The following ZNF763 variants were observed in gnomAD, a reference collection of about 807,000 sequenced individuals.
ZNF763 encodes the protein DNA-binding protein.
A neutral mutation model predicts 38.0 loss-of-function variants in ZNF763; 33 were observed. The observed-to-expected ratio is 0.87, with a 90% confidence interval of 0.66 to 1.16. ZNF763 has a LOEUF of 1.16. ZNF763 is among the 50% of genes most tolerant of loss of function. The pLI is 0.00. For missense variants in ZNF763, 423 were observed against 469.1 expected (o/e 0.90, Z 0.91); for synonymous variants, 155 against 160.1 (o/e 0.97, Z 0.24).
chr19:11,972,054 C>T (rs1599312953), intron 1 of ZNF763, among the ~76,000 whole-genome samples: 1 of 149,350 alleles, frequency 6.7e-6, no homozygotes, highest in African/African-American at 2.5e-5. Context: ...AAGAGCAAAA[C>T]TTTGTCTCAA....
At chr19:11,975,625 G>T (rs990152998) in intron 1 of ZNF763, among the ~76,000 whole-genome samples, 1 of 147,524 alleles carries the variant, frequency 6.8e-6, no homozygotes, top group Non-Finnish European at 1.5e-5. Context: ...CTCGTGATCC[G>T]CCCGCCTCGG....
intron 1 of ZNF763, among the ~76,000 whole-genome samples, chr19:11,968,318 C>G (rs143389506): frequency 0.013 from 1,937 of 152,148 alleles, 23 homozygotes; most frequent in South Asian, 0.024. Flanking sequence ...GTGGTGCGAT[C>G]ATGGCTTACT....
chr19:11,980,161 C>A lies in ZNF763; in HGVS notation c.*1052C>A. ...GATAGAAACCAAAGCAGGTGAATCACCTGAGGTCAGGAGTTCAAGACTGGC... is the reference window on the plus strand; with the variant it reads ...GATAGAAACCAAAGCAGGTGAATCAACTGAGGTCAGGAGTTCAAGACTGGC... On this transcript the variant is annotated 3_prime_UTR_variant, in exon 4 of 4. Coordinates refer to ENST00000358987, the MANE Select transcript of ZNF763 (RefSeq NM_001367172.2). 1.5e-6 allele frequency: 1 copy of A among 664,334 alleles called. No homozygotes were observed. The highest frequency in any genetic ancestry group is 2.5e-6 in the Non-Finnish European group (1 of 398,796). 41.2% of individuals were successfully genotyped at this position (664,334 alleles called of 1,614,324 possible).
At position 11,978,930 on chromosome 19, in the gene ZNF763, G is replaced by A; in HGVS notation, c.1006G>A (p.Gly336Arg). Reference protein sequence around the residue: ...SYLRHKRSHTGEKPYQCKECR... With the variant: ...SYLRHKRSHTREKPYQCKECR... ...TCTTAGACATAAAAGGAGTCACACG[G>A]GAGAGAAGCCTTATCAATGTAAGGA... Residue 336 changes from glycine to arginine, a missense_variant, in exon 4 of 4, where the codon GGA becomes AGA. Gly to Arg is a moderately radical substitution (Grantham distance 125). Transcript: ENST00000358987. The A allele has an allele frequency of 6.2e-7, 1 of 1,614,146 alleles. No individual in the cohort carries two copies. Among genetic ancestry groups the A allele is most frequent in the Non-Finnish European group, 8.5e-7 (1 of 1,180,028 alleles).
intron 1 of ZNF763, among the ~76,000 whole-genome samples, chr19:11,967,638 C>T (rs1452267658): frequency 2.0e-5 from 3 of 152,066 alleles, no homozygotes; most frequent in Non-Finnish European, 4.4e-5. Context: ...CTCCTGACCT[C>T]GTGATCCACC....
Position 11,980,308 on chromosome 19 carries a change from G to C in ZNF763, c.*1199G>C, listed in dbSNP as rs1394464296. On this transcript the variant is annotated 3_prime_UTR_variant, in exon 4 of 4. Transcript: ENST00000358987. Reference sequence around the variant, plus strand: ...GCACAGGAGAATCGCTTGAATCTGGGGGGCAGAGGTTGCAGTGAGCCAAGA... The same window carrying C: ...GCACAGGAGAATCGCTTGAATCTGGCGGGCAGAGGTTGCAGTGAGCCAAGA... 3.9e-6 allele frequency: 1 copy of C among 257,178 alleles called. No homozygotes were observed. The highest frequency in any genetic ancestry group is 2.3e-5 in the African/African-American group (1 of 42,962). 15.9% of individuals were successfully genotyped at this position (257,178 alleles called of 1,614,324 possible).
In ZNF763 at chr19:11,979,088, G is replaced by A. The variant is rs112017572; in HGVS notation, c.1164G>A (p.Ala388=). The A allele has an allele frequency of 0.041, 65,492 of 1,613,866 alleles. 2,330 individuals carry two copies. Among genetic ancestry groups the A allele is most frequent in the African/African-American group, 0.19 (14,185 of 74,936 alleles). ...AGTTTTCAAACACACCTAAGAATGC[G>A]CTCTGGAGAAAGACCTTATAAATGT... is the stretch of plus-strand genomic sequence containing the variant. ...SYKFSNTPKN[A]LWRKTL is the part of the protein sequence containing the mutation. The change falls in exon 4 of 4, where the codon GCG becomes GCA. Residue 388 remains alanine, a synonymous_variant. Transcript: ENST00000358987.
intron 1 of ZNF763, among the ~76,000 whole-genome samples, chr19:11,975,054 T>G (rs958862369): frequency 6.6e-6 from 1 of 152,174 alleles, no homozygotes; most frequent in African/African-American, 2.4e-5. Flanking sequence ...GCAATTATCC[T>G]GATGTTTCTT....
chr19:11,975,614 CCT>C (rs1324723131), intron 1 of ZNF763, among the ~76,000 whole-genome samples: 19 of 150,836 alleles, frequency 1.3e-4, no homozygotes, highest in South Asian at 1.1e-3. Context: ...GATCTCCTGA[CCT>C]CGTGATCCGC....
intron 1 of ZNF763, among the ~76,000 whole-genome samples, chr19:11,972,361 T>C (rs1362386555): frequency 1.3e-5 from 2 of 152,216 alleles, no homozygotes; most frequent in Non-Finnish European, 2.9e-5. Context: ...TTTTAAAAAT[T>C]ACATTCAACA....
chr19:11,966,025 G>C (rs961794542), intron 1 of ZNF763, among the ~76,000 whole-genome samples: 1 of 152,150 alleles, frequency 6.6e-6, no homozygotes, highest in African/African-American at 2.4e-5. Flanking sequence ...AATGCTGAAG[G>C]AAGGGGGTCT....
In ZNF763 at chr19:11,978,492, C is replaced by T. The variant is rs200184007; in HGVS notation, c.568C>T (p.Arg190Cys). ...TATTTCCCATTCAGGCATTCGAAGA[C>T]GCATGGTAATGCACAGTGGGGATGG... ...TFISHSGIRR[R>C]MVMHSGDGPY... The change falls in exon 4 of 4, where the codon CGC becomes TGC. Residue 190 changes from arginine to cysteine, a missense_variant. Coordinates refer to ENST00000358987, the MANE Select transcript of ZNF763 (RefSeq NM_001367172.2). The T allele has an allele frequency of 5.1e-4, 821 of 1,614,204 alleles. No homozygotes were observed. Among genetic ancestry groups the T allele is most frequent in the East Asian group, 2.3e-3 (102 of 44,890 alleles).
chr19:11,976,525 C>A, intron 1 of ZNF763, among the ~76,000 whole-genome samples: 1 of 143,828 alleles, frequency 7.0e-6, no homozygotes. Context: ...CACTGCACTC[C>A]AGCCTGGGCA....
Position 11,972,369 on chromosome 19 carries a change from A to G in ZNF763, c.4-4669A>G, listed in dbSNP as rs75329827. 6.1e-3 allele frequency among the ~76,000 whole-genome samples: 924 copies of G among 152,348 alleles called. 64 individuals carry two copies. In the East Asian group the frequency reaches 0.15, roughly 25 times the overall value. Reference sequence around the variant, plus strand: ...TGTTGTCTTTTAAAAATTACATTCAACAGGTTGTGGCTGATAATTGAAATT... The same window carrying G: ...TGTTGTCTTTTAAAAATTACATTCAGCAGGTTGTGGCTGATAATTGAAATT... On this transcript the variant is annotated intron_variant, in intron 1 of 3. Transcript: ENST00000358987.
intron 1 of ZNF763, among the ~76,000 whole-genome samples, chr19:11,974,863 A>G (rs1973451524): frequency 6.6e-6 from 1 of 152,164 alleles, no homozygotes; most frequent in African/African-American, 2.4e-5. Flanking sequence ...TTGGCCTTGC[A>G]AGGTGCTGGG....
intron 1 of ZNF763, among the ~76,000 whole-genome samples, chr19:11,967,485 A>G (rs1265491772): frequency 1.3e-5 from 2 of 151,912 alleles, no homozygotes; most frequent in African/African-American, 4.8e-5. Flanking sequence ...GCTCACTGCA[A>G]GCTCCACCTC....
chr19:11,969,313 CA>C (rs1169343232), intron 1 of ZNF763, among the ~76,000 whole-genome samples: 1 of 152,208 alleles, frequency 6.6e-6, no homozygotes, highest in Non-Finnish European at 1.5e-5. Context: ...TCACGTTCGC[CA>C]GGCTGGTCTT....
rs1973584086 is a variant in ZNF763 at position 11,979,872 on chromosome 19, G to A, written c.*763G>A. On this transcript the variant is annotated 3_prime_UTR_variant, in exon 4 of 4. Coordinates refer to ENST00000358987, the MANE Select transcript of ZNF763 (RefSeq NM_001367172.2). The stretch of plus-strand genomic sequence containing the variant: ...CATGAAAGGACACAAACACACGTAA[G>A]AATGCACTCTGTAGAAAGACCTTAT... 3.4e-6 allele frequency: 5 copies of A among 1,466,176 alleles called. No individual in the cohort carries two copies. Among genetic ancestry groups the A allele is most frequent in the Non-Finnish European group, 4.8e-6 (5 of 1,049,894 alleles). 90.8% of individuals were successfully genotyped at this position (1,466,176 alleles called of 1,614,324 possible).
intron 1 of ZNF763, among the ~76,000 whole-genome samples, chr19:11,967,012 C>G (rs189713630): frequency 1.3e-5 from 2 of 152,130 alleles, no homozygotes; most frequent in Admixed American, 6.6e-5. Flanking sequence ...CAAGACAAGT[C>G]GCAATGTACA....
Sources: allele counts gnomAD v4.1 joint callset (sites outside exome capture counted in the v4.1 genomes callset), GRCh38; gene constraint gnomAD v4.1.1; transcripts MANE v1.5; gene names NCBI Gene and HGNC (gene_info 2026-07-23, HGNC 2026-07-21).